Variants in MAGI2 observed in about 807,000 individuals in gnomAD.
MAGI2 encodes membrane-associated guanylate kinase, WW and PDZ domain-containing protein 2.
A neutral mutation model predicts 133.3 loss-of-function variants in MAGI2; 35 were observed. The ratio of observed to expected loss-of-function variants is 0.26; its 90% CI spans 0.20 to 0.35. The LOEUF is 0.35. Ranked by LOEUF, MAGI2 falls within the 10% of genes least tolerant of loss-of-function variation. The probability of loss-of-function intolerance (pLI) is 1.00; values close to 1 mark genes in which losing one functional copy is unlikely to be tolerated. For synonymous variants in MAGI2, 729 were observed against 710.6 expected, an observed-to-expected ratio of 1.03 and a Z score of -0.41; for missense variants, 1,636 against 1,863.4, an observed-to-expected ratio of 0.88 and a Z score of 2.25.
chr7:78,197,370 T>C (rs1039558801), intron 11 of MAGI2, among the ~76,000 whole-genome samples: 1 of 152,220 alleles, frequency 6.6e-6, no homozygotes, highest in Non-Finnish European at 1.5e-5. Context: ...TCTGGGGAGC[T>C]GTAGTACTCT....
chr7:79,141,285 T>C (rs2129546209), intron 1 of MAGI2, among the ~76,000 whole-genome samples: 1 of 152,320 alleles, frequency 6.6e-6, no homozygotes, highest in Non-Finnish European at 1.5e-5. Flanking sequence ...TGCTGGATAC[T>C]AAAAATACAG....
chr7:78,128,837 T>G (rs1821259926), intron 18 of MAGI2, among the ~76,000 whole-genome samples: 1 of 152,232 alleles, frequency 6.6e-6, no homozygotes, highest in African/African-American at 2.4e-5. Context: ...GTGCATAATT[T>G]CGGCCTTGCT....
chr7:79,169,547 G>A (rs964882200), intron 1 of MAGI2, among the ~76,000 whole-genome samples: 1 of 152,044 alleles, frequency 6.6e-6, no homozygotes, highest in Non-Finnish European at 1.5e-5. Context: ...TCCTGTGCAT[G>A]GTCACACGCT....
Position 78,971,876 on chromosome 7 carries a change from A to G in MAGI2, c.418+35214T>C, listed in dbSNP as rs117934077. Among the ~76,000 whole-genome samples the G allele has an allele frequency of 1.2e-4, 18 of 152,110 alleles. 1 individual carries two copies. The Middle Eastern group carries it at 0.01, about 86-fold the overall frequency. On this transcript the variant is annotated intron_variant, in intron 2 of 21. Coordinates refer to ENST00000354212, the MANE Select transcript of MAGI2 (RefSeq NM_012301.4). ...TTCTGATTATAAATAGAAAATTTCT[A>G]CTTTAGTATGGCTATGCTTTATGTA...
intron 3 of MAGI2, among the ~76,000 whole-genome samples, chr7:78,589,210 T>C (rs1803734492): frequency 6.6e-6 from 1 of 152,190 alleles, no homozygotes. Context: ...ATCATCACCA[T>C]CACCACCATC....
At chr7:79,330,196 T>C (rs1300495160) in intron 1 of MAGI2, among the ~76,000 whole-genome samples, 2 of 133,794 alleles carry the variant, frequency 1.5e-5, no homozygotes, top group South Asian at 2.6e-4. Context: ...TTTTTTTTTT[T>C]TTTTTTTTTT....
intron 3 of MAGI2, among the ~76,000 whole-genome samples, chr7:78,606,318 T>C (rs945702198): frequency 6.6e-6 from 1 of 152,132 alleles, no homozygotes; most frequent in Non-Finnish European, 1.5e-5. Flanking sequence ...GACTGGTGTA[T>C]GTGGACACTG....
intron 2 of MAGI2, among the ~76,000 whole-genome samples, chr7:78,777,206 T>A (rs181695421): frequency 2.6e-5 from 4 of 152,316 alleles, no homozygotes; most frequent in African/African-American, 7.2e-5. Flanking sequence ...GGTTTTTCTC[T>A]AGTCTTAACT....
intron 2 of MAGI2, among the ~76,000 whole-genome samples, chr7:78,909,025 C>A (rs1430725390): frequency 1.3e-5 from 2 of 151,188 alleles, no homozygotes; most frequent in Admixed American, 6.6e-5. Context: ...AGTGAACAGG[C>A]AACCTACAGA....
At chr7:79,225,335 T>C (rs1830759978) in intron 1 of MAGI2, among the ~76,000 whole-genome samples, 2 of 152,220 alleles carry the variant, frequency 1.3e-5, no homozygotes, top group African/African-American at 4.8e-5. Flanking sequence ...CTTAAAGTTA[T>C]GTTTGGAACT....
intron 1 of MAGI2, among the ~76,000 whole-genome samples, chr7:79,221,488 T>C (rs1830441037): frequency 6.6e-6 from 1 of 152,050 alleles, no homozygotes; most frequent in African/African-American, 2.4e-5. Flanking sequence ...GCTGTCATTT[T>C]ATATCAAAGG....
chr7:78,720,858 C>T (rs1489661799), intron 2 of MAGI2, among the ~76,000 whole-genome samples: 1 of 151,986 alleles, frequency 6.6e-6, no homozygotes, highest in Non-Finnish European at 1.5e-5. Context: ...CCTGTGGTTC[C>T]ACAAAGGATA....
chr7:78,442,878 A>G (rs1302105296), intron 6 of MAGI2, among the ~76,000 whole-genome samples: 2 of 152,210 alleles, frequency 1.3e-5, no homozygotes, highest in African/African-American at 2.4e-5. Flanking sequence ...GCTCCTGTCT[A>G]TAATACAAGA....
At chr7:78,517,944 G>A (rs111688313) in intron 4 of MAGI2, 29 of 151,806 alleles carry the variant, frequency 1.9e-4, no homozygotes, top group African/African-American at 6.8e-4. Context: ...GATAGATAAG[G>A]TCTGAGAGAA....
In MAGI2 at chr7:78,131,190, G is replaced by A. The variant is rs3779296; in HGVS notation, c.3203+1699C>T. Among the ~76,000 whole-genome samples, 32 of 152,334 alleles carry A rather than the reference G, an allele frequency of 2.1e-4. No homozygotes were observed. In the East Asian group the frequency reaches 4.6e-3, roughly 22 times the overall value. On this transcript the variant is annotated intron_variant, in intron 18 of 21. Coordinates refer to ENST00000354212, the MANE Select transcript of MAGI2 (RefSeq NM_012301.4). Reference sequence around the variant, plus strand: ...AATCTGTTGAAGTGATAGATGTTGAGAGCAAACCCATCTGGGGCTCATTAC... The same window carrying A: ...AATCTGTTGAAGTGATAGATGTTGAAAGCAAACCCATCTGGGGCTCATTAC...
intron 1 of MAGI2, among the ~76,000 whole-genome samples, chr7:79,425,269 A>T (rs1285795678): frequency 1.3e-5 from 2 of 148,628 alleles, no homozygotes; most frequent in Non-Finnish European, 3.0e-5. Flanking sequence ...AAAAAAAAAA[A>T]GTCTGATGTT....
intron 9 of MAGI2, among the ~76,000 whole-genome samples, chr7:78,282,531 T>TATCTA (rs1562746979): frequency 6.6e-6 from 1 of 152,012 alleles, no homozygotes; most frequent in Non-Finnish European, 1.5e-5. Flanking sequence ...ATTTACTATC[T>TATCTA]ATCTATCTAT....
chr7:78,218,421 T>C (rs1258373795), intron 10 of MAGI2, among the ~76,000 whole-genome samples: 1 of 152,264 alleles, frequency 6.6e-6, no homozygotes, highest in Non-Finnish European at 1.5e-5. Context: ...CCATGTTTTA[T>C]TTTGGTTTTA....
intron 1 of MAGI2, among the ~76,000 whole-genome samples, chr7:79,267,178 C>A (rs916710583): frequency 1.3e-5 from 2 of 152,152 alleles, no homozygotes; most frequent in Admixed American, 6.5e-5. Flanking sequence ...ATGGGGAGCT[C>A]AGGTCTTAAG....
Sources: allele counts gnomAD v4.1 joint callset (sites outside exome capture counted in the v4.1 genomes callset), GRCh38; gene constraint gnomAD v4.1.1; transcripts MANE v1.5; gene names NCBI Gene and HGNC (gene_info 2026-07-23, HGNC 2026-07-21).